TUBGCP5: variants seen among roughly 807,000 people sequenced by gnomAD.
TUBGCP5 encodes tubulin gamma complex component 5.
Under a neutral mutation model 134.7 loss-of-function variants are expected in TUBGCP5, and 98 were observed. That is an observed-to-expected ratio of 0.73 (90% CI 0.62 to 0.86). TUBGCP5 has a LOEUF of 0.86. Among genes scored for constraint, TUBGCP5 ranks in the 40% least tolerant of loss-of-function variants. The pLI, the probability that TUBGCP5 is intolerant of heterozygous loss-of-function variation, is 0.00. For missense variants in TUBGCP5, 1,150 were observed against 1,244.8 expected (o/e 0.92, Z 1.15); for synonymous variants, 456 against 431.4 (o/e 1.06, Z -0.71).
At position 23,031,972 on chromosome 15, in the gene TUBGCP5, A is replaced by G. The variant is rs2066337257; in HGVS notation, c.464T>C (p.Ile155Thr). Residue 155 changes from isoleucine to threonine, a missense_variant, in exon 5 of 23, where the codon ATT (isoleucine) becomes ACT (threonine). Coordinates refer to ENST00000615383, the MANE Select transcript of TUBGCP5 (RefSeq NM_052903.6). The stretch of plus-strand genomic sequence containing the variant: ...TACTGGTGTGTCCATGTACGGACCA[A>G]TGTCCATTTCTTCATCTTCCATCAA... ...KYLMEDEEMD[I>T]GPYMDTPNWS... 4 of 1,612,794 alleles carry G rather than the reference A, an allele frequency of 2.5e-6. No individual in the cohort carries two copies. Among genetic ancestry groups the G allele is most frequent in the Non-Finnish European group, 3.4e-6 (4 of 1,179,246 alleles).
chr15:23,019,239 G>A lies in TUBGCP5; in HGVS notation c.1467C>T (p.Ala489=). The A allele has an allele frequency of 6.2e-7, 1 of 1,613,678 alleles. No individual in the cohort carries two copies. The highest frequency in any genetic ancestry group is 1.3e-5 in the African/African-American group (1 of 75,012). The stretch of plus-strand genomic sequence containing the variant: ...CTCACCTCTGGATGATGAACTCCCT[G>A]GCGCCATCCCACAGGTGCCCGTGCA... ...WIVHGHLWDG[A]REFIIQRNKN... The change falls in exon 12 of 23, where the codon GCC becomes GCT. Residue 489 remains alanine, a synonymous_variant. Transcript: ENST00000615383.
intron 13 of TUBGCP5, among the ~76,000 whole-genome samples, chr15:23,016,497 G>GGAA (rs1555439149): frequency 9.7e-6 from 1 of 102,834 alleles, no homozygotes; most frequent in Admixed American, 1.2e-4. Context: ...TCTGTCTCAG[G>GGAA]AAAAAAAAAA....
chr15:23,003,160 A>AC lies in TUBGCP5; in HGVS notation c.2839-8dup, dbSNP rs576293388. The AC allele has an allele frequency of 3.1e-6, 5 of 1,613,892 alleles. No individual in the cohort carries two copies. Among genetic ancestry groups the AC allele is most frequent in the Non-Finnish European group, 4.2e-6 (5 of 1,179,778 alleles). On this transcript the variant is annotated splice_region_variant and splice_polypyrimidine_tract_variant and intron_variant, in intron 20 of 22. Coordinates refer to ENST00000615383, the MANE Select transcript of TUBGCP5 (RefSeq NM_052903.6). ...CTTCTTTCACAAAGCTGACCTGCAG[A>AC]CCAAAGTCACAGAACACAAACTGTG...
At chr15:23,027,669 G>A (rs1333809663) in intron 6 of TUBGCP5, among the ~76,000 whole-genome samples, 2 of 151,906 alleles carry the variant, frequency 1.3e-5, no homozygotes, top group South Asian at 4.2e-4. Context: ...GACTGGTTGA[G>A]CCAAGAGGTT....
intron 1 of TUBGCP5, among the ~76,000 whole-genome samples, chr15:23,038,808 A>G (rs1238143222): frequency 6.6e-6 from 1 of 152,268 alleles, no homozygotes; most frequent in East Asian, 1.9e-4. Flanking sequence ...AAAATTAGTT[A>G]CAAGAGAAAC....
chr15:22,995,574 C>CAAAAAAAAAAAA (rs397794497), downstream of TUBGCP5, among the ~76,000 whole-genome samples: 1 of 121,724 alleles, frequency 8.2e-6, no homozygotes, highest in Admixed American at 9.2e-5. Context: ...GGCTCCGTCT[C>CAAAAAAAAAAAA]AAAAAAAAAA....
At chr15:23,007,709 T>C (rs1033490393) in intron 16 of TUBGCP5, among the ~76,000 whole-genome samples, 1 of 152,166 alleles carries the variant, frequency 6.6e-6, no homozygotes, top group Non-Finnish European at 1.5e-5. Context: ...ATGGTGTGTA[T>C]GTGTGCAAGA....
At chr15:23,037,487 G>A (rs1013305482) in intron 1 of TUBGCP5, among the ~76,000 whole-genome samples, 11 of 151,834 alleles carry the variant, frequency 7.2e-5, no homozygotes, top group African/African-American at 1.9e-4. Context: ...AGTGAGGCCC[G>A]GTGAAGCCTA....
chr15:22,996,469 C>CT (rs2064085463), downstream of TUBGCP5, among the ~76,000 whole-genome samples: 1 of 152,032 alleles, frequency 6.6e-6, no homozygotes, highest in Non-Finnish European at 1.5e-5. Context: ...ATAGTTAAGA[C>CT]TTCATCTTTT....
intron 6 of TUBGCP5, 111 bp from the exon 7 acceptor site, chr15:23,027,417 ATAACAGCTACC>A: frequency 1.2e-5 from 9 of 781,774 alleles, no homozygotes; most frequent in Non-Finnish European, 1.9e-5. Context: ...CTTTTTAAAA[ATAACAGCTACC>A]TAACATTTAT....
In TUBGCP5 at chr15:23,006,393, T is replaced by C. The variant is rs752822235; in HGVS notation, c.2328-41A>G. 21 of 1,413,584 alleles carry C rather than the reference T, an allele frequency of 1.5e-5. No individual in the cohort carries two copies. The South Asian group carries it at 2.5e-4, about 17-fold the overall frequency. The allele number at this position is 1,413,584 out of a possible 1,614,324, so 87.6% of individuals were successfully genotyped here. ...CCAGTTTTAGTTTGTGAAAGCACTA[T>C]GTCACACAAAAATGCTCTTTTAAAA... On this transcript the variant is annotated intron_variant, in intron 16 of 22. Coordinates refer to ENST00000615383, the MANE Select transcript of TUBGCP5 (RefSeq NM_052903.6).
At position 22,999,860 on chromosome 15, in the gene TUBGCP5, G is replaced by C; in HGVS notation, c.3035C>G (p.Ser1012Cys). Reference sequence around the variant, plus strand: ...GCCAGCCATGAGTGACAACGCTAGAGATTCCACTGTGGGAAGAATAAAAAT... The same window carrying C: ...GCCAGCCATGAGTGACAACGCTAGACATTCCACTGTGGGAAGAATAAAAAT... ...VCRGSFPHLE[S>C]LALSLMAGME... is the part of the protein sequence containing the mutation. The change falls in exon 23 of 23, where the codon TCT becomes TGT. Residue 1012 changes from serine to cysteine, a missense_variant. Transcript: ENST00000615383. The C allele has an allele frequency of 1.9e-6, 3 of 1,613,902 alleles. No homozygotes were observed. Among genetic ancestry groups the C allele is most frequent in the Non-Finnish European group, 2.5e-6 (3 of 1,179,844 alleles).
At position 23,030,926 on chromosome 15, in the gene TUBGCP5, T is replaced by A; in HGVS notation, c.581A>T (p.Gln194Leu). 6.2e-7 allele frequency: 1 copy of A among 1,613,674 alleles called. No homozygotes were observed. Among genetic ancestry groups the A allele is most frequent in the Middle Eastern group, 1.7e-4 (1 of 6,058 alleles). The change falls in exon 6 of 23, where the codon CAA becomes CTA. Residue 194 changes from glutamine (Q) to leucine (L), a missense_variant. Physicochemically the swap from Gln to Leu is moderately radical, Grantham distance 113. This residue lies in a region of TUBGCP5 where 453 missense variants were observed against 394.7 expected (regional missense o/e 1.15). Coordinates refer to ENST00000615383, the MANE Select transcript of TUBGCP5 (RefSeq NM_052903.6). The part of the protein sequence containing the change: ...IQVDRTPLEE[Q>L]DQNRKLDPCI... ...AGGATCCAGTTTTCTGTTTTGATCT[T>A]GTTCTTCTAACGGTGTCCTGTCTAC...
intron 11 of TUBGCP5, among the ~76,000 whole-genome samples, chr15:23,020,600 A>G (rs868340666): frequency 1.7e-4 from 25 of 147,766 alleles, no homozygotes; most frequent in African/African-American, 3.4e-4. Context: ...AAAAAAAAAA[A>G]AAAAAAGAAA....
At chr15:22,989,380 T>TA (rs2063779806) in intron 23 of TUBGCP5, among the ~76,000 whole-genome samples, 1 of 152,124 alleles carries the variant, frequency 6.6e-6, no homozygotes, top group South Asian at 2.1e-4. Flanking sequence ...TCACATCCAG[T>TA]AAATACCTTC....
downstream of TUBGCP5, among the ~76,000 whole-genome samples, chr15:22,994,998 C>T (rs1395459573): frequency 6.6e-6 from 1 of 152,112 alleles, no homozygotes; most frequent in East Asian, 1.9e-4. Flanking sequence ...AATCCCATCA[C>T]TTTGGGAGGC....
intron 11 of TUBGCP5, among the ~76,000 whole-genome samples, chr15:23,021,749 G>GCCTAGT: frequency 6.6e-6 from 1 of 152,166 alleles, no homozygotes; most frequent in African/African-American, 2.4e-5. Flanking sequence ...CTCACAGCTT[G>GCCTAGT]CCTTGTCCTT....
intron 23 of TUBGCP5, among the ~76,000 whole-genome samples, chr15:22,990,557 G>A (rs2063816253): frequency 2.0e-5 from 3 of 152,174 alleles, no homozygotes. Context: ...AACACAGCAT[G>A]CATTTTTGGA....
Position 23,039,451 on chromosome 15 carries a change from G to C in TUBGCP5, c.93C>G (p.Asp31Glu). 6.5e-7 allele frequency: 1 copy of C among 1,548,806 alleles called. No homozygotes were observed. Among genetic ancestry groups the C allele is most frequent in the Non-Finnish European group, 8.7e-7 (1 of 1,144,924 alleles). Residue 31 changes from aspartate to glutamate, a missense_variant, in exon 1 of 23, where the codon GAC becomes GAG. This residue lies in a region of TUBGCP5 where 453 missense variants were observed against 394.7 expected (regional missense o/e 1.15). Transcript: ENST00000615383. The stretch of plus-strand genomic sequence containing the variant: ...CGAGCTGGAAGTTGGGGTCTGCCTC[G>C]TCCTGGAGGCCGGCGACACCCCGGA... ...ELVRGVAGLQDEADPNFQLAL... is the reference protein window; with the variant it reads ...ELVRGVAGLQEEADPNFQLAL...
Sources: gnomAD v4.1 joint callset for allele counts (sites outside exome capture counted in the v4.1 genomes callset) on GRCh38, gnomAD v4.1.1 for gene constraint, gnomAD v4.1.1 regional missense constraint, MANE v1.5 for transcripts, NCBI Gene and HGNC (gene_info 2026-07-23, HGNC 2026-07-21) for gene names.